The following TBCEL variants were observed in gnomAD, a reference collection of about 807,000 sequenced individuals.
The protein encoded by TBCEL is tubulin folding cofactor E like.
Under a neutral mutation model 44.2 loss-of-function variants are expected in TBCEL, and 15 were observed. That is an observed-to-expected ratio of 0.34 (90% CI 0.23 to 0.52). The LOEUF is 0.52. TBCEL is among the 20% of genes least tolerant of loss of function. TBCEL has a pLI of 0.95. For synonymous variants in TBCEL, 171 were observed against 185.4 expected, an observed-to-expected ratio of 0.92 and a Z score of 0.63; for missense variants, 319 against 506.3, an observed-to-expected ratio of 0.63 and a Z score of 3.55.
chr11:121,035,366 A>C (rs376686361), intron 1 of TBCEL: 101 of 151,948 alleles, frequency 6.6e-4, no homozygotes, highest in African/African-American at 2.3e-3. Context: ...GGATTTACAT[A>C]CCCAGGGCGT....
intron 2 of TBCEL, among the ~76,000 whole-genome samples, chr11:121,043,972 T>C (rs1464426064): frequency 2.0e-5 from 3 of 152,126 alleles, no homozygotes; most frequent in African/African-American, 7.2e-5. Context: ...CATTTTCTTC[T>C]GTAAAACTGG....
rs752822671 is a variant in TBCEL at position 121,087,454 on chromosome 11, C to G, written c.*358C>G. On this transcript the variant is annotated 3_prime_UTR_variant, in exon 9 of 9. Transcript: ENST00000683345. ...GTGAAGATAACATGAACACTGTAGC[C>G]CCTTAGAAGGGTCTCATAGAGAATT... 2.7e-4 allele frequency: 56 copies of G among 206,474 alleles called. No individual in the cohort carries two copies. The highest frequency in any genetic ancestry group is 4.7e-4 in the Non-Finnish European group (48 of 102,830). 12.8% of individuals were successfully genotyped at this position (206,474 alleles called of 1,614,324 possible).
Position 121,065,243 on chromosome 11 carries a change from C to T in TBCEL, c.956+5158C>T, listed in dbSNP as rs147613797. ...ATCTGAGCTAGTAGAGCAAAGTGAA[C>T]GGGAATAAGTTTATTCTTGGAAGAA... On this transcript the variant is annotated intron_variant, in intron 8 of 8. Coordinates refer to ENST00000683345, the MANE Select transcript of TBCEL (RefSeq NM_001363644.2). Among the ~76,000 whole-genome samples, 73 of 152,232 alleles carry T rather than the reference C, an allele frequency of 4.8e-4. 1 individual carries two copies. In the East Asian group the frequency reaches 0.013, roughly 27 times the overall value.
chr11:121,035,552 T>C (rs776052152), intron 1 of TBCEL: 9 of 151,790 alleles, frequency 5.9e-5, no homozygotes, highest in Non-Finnish European at 1.5e-5. Flanking sequence ...CAATCCCTGG[T>C]TATTAGCCAG....
intron 8 of TBCEL, among the ~76,000 whole-genome samples, chr11:121,071,150 A>G (rs1213149199): frequency 6.6e-6 from 1 of 152,118 alleles, no homozygotes; most frequent in African/African-American, 2.4e-5. Context: ...CCTTGATCAG[A>G]TGTCTATCCA....
intron 8 of TBCEL, among the ~76,000 whole-genome samples, chr11:121,070,428 C>T (rs779195990): frequency 3.3e-5 from 5 of 152,072 alleles, no homozygotes; most frequent in African/African-American, 4.8e-5. Flanking sequence ...GCACTGTTCA[C>T]GATAGCAAAG....
intron 8 of TBCEL, among the ~76,000 whole-genome samples, chr11:121,078,520 G>C (rs1946070672): frequency 6.6e-6 from 1 of 152,190 alleles, no homozygotes; most frequent in Non-Finnish European, 1.5e-5. Context: ...AGTTCCTGGT[G>C]GTGGAGCTAT....
intron 8 of TBCEL, among the ~76,000 whole-genome samples, chr11:121,082,906 AGCT>A (rs749195028): frequency 3.9e-5 from 6 of 152,220 alleles, no homozygotes; most frequent in South Asian, 2.1e-4. Flanking sequence ...GAGATCAGCA[AGCT>A]GCTGCTGGGG....
At chr11:121,026,378 C>T in intron 1 of TBCEL, among the ~76,000 whole-genome samples, 1 of 152,130 alleles carries the variant, frequency 6.6e-6, no homozygotes. Context: ...TGTTAAAGTC[C>T]TTTGAAAAGT....
At position 121,042,546 on chromosome 11, in the gene TBCEL, A is replaced by G. The variant is rs563307059; in HGVS notation, c.-17-3128A>G. Among the ~76,000 whole-genome samples, 8 of 152,288 alleles carry G rather than the reference A, an allele frequency of 5.3e-5. No homozygotes were observed. The South Asian group carries it at 1.7e-3, about 32-fold the overall frequency. ...GAAAGAACAAAGTGTCTTGTACTAA[A>G]ACAAACTCTTATCTTTTAGCTTACA... is the stretch of plus-strand genomic sequence containing the variant. On this transcript the variant is annotated intron_variant, in intron 2 of 8. Transcript: ENST00000683345.
intron 1 of TBCEL, among the ~76,000 whole-genome samples, chr11:121,031,110 C>G (rs1250898173): frequency 6.6e-6 from 1 of 152,146 alleles, no homozygotes; most frequent in Non-Finnish European, 1.5e-5. Flanking sequence ...CGCAATCCTC[C>G]CAGGATTTTT....
intron 8 of TBCEL, among the ~76,000 whole-genome samples, chr11:121,066,095 GT>G (rs1945815314): frequency 6.6e-6 from 1 of 152,218 alleles, no homozygotes; most frequent in South Asian, 2.1e-4. Context: ...AGAAAATTAA[GT>G]TTGAGCAGGA....
chr11:121,049,552 A>G (rs1945491932), intron 4 of TBCEL, among the ~76,000 whole-genome samples: 1 of 151,728 alleles, frequency 6.6e-6, no homozygotes. Flanking sequence ...AATAATTTCT[A>G]TTTGTATATA....
intron 4 of TBCEL, among the ~76,000 whole-genome samples, chr11:121,048,213 A>G (rs966450941): frequency 6.6e-6 from 1 of 151,866 alleles, no homozygotes; most frequent in Admixed American, 6.6e-5. Context: ...GAAAATTGAC[A>G]TAAAATTGTT....
At chr11:121,054,957 G>A (rs1046289418) in intron 5 of TBCEL, 95 bp from the exon 6 acceptor site, 2 of 1,268,700 alleles carry the variant, frequency 1.6e-6, no homozygotes, top group Non-Finnish European at 2.1e-6. Context: ...CTCACATATA[G>A]TAGGCACTTA....
At chr11:121,052,466 A>C (rs1565497447) in intron 4 of TBCEL, among the ~76,000 whole-genome samples, 1 of 151,772 alleles carries the variant, frequency 6.6e-6, no homozygotes, top group Non-Finnish European at 1.5e-5. Flanking sequence ...GAAGTGTTGG[A>C]ACCTCGTTTG....
chr11:121,039,129 C>T (rs1565493015), intron 2 of TBCEL, among the ~76,000 whole-genome samples: 1 of 152,184 alleles, frequency 6.6e-6, no homozygotes, highest in African/African-American at 2.4e-5. Context: ...CCGCTGTCAC[C>T]TCCACAGTTG....
At chr11:121,047,731 GTTA>G (rs1469413787) in intron 4 of TBCEL, 64 bp downstream of exon 4, 44 of 1,565,438 alleles carry the variant, frequency 2.8e-5, no homozygotes, top group Middle Eastern at 1.7e-4. Context: ...CATTGTTTAT[GTTA>G]TTATATGTTC....
At chr11:121,051,067 T>C (rs1380418410) in intron 4 of TBCEL, among the ~76,000 whole-genome samples, 1 of 151,788 alleles carries the variant, frequency 6.6e-6, no homozygotes, top group Non-Finnish European at 1.5e-5. Context: ...AAAAAACCTT[T>C]TTTATTTTAT....
Sources: allele counts gnomAD v4.1 joint callset (sites outside exome capture counted in the v4.1 genomes callset), GRCh38; gene constraint gnomAD v4.1.1; transcripts MANE v1.5; gene names NCBI Gene and HGNC (gene_info 2026-07-23, HGNC 2026-07-21).